INPP4B: variants seen among roughly 807,000 people sequenced by gnomAD.
The protein encoded by INPP4B is inositol polyphosphate 4-phosphatase type II.
Under a neutral mutation model 122.5 loss-of-function variants are expected in INPP4B, and 55 were observed. The ratio of observed to expected loss-of-function variants is 0.45; its 90% CI spans 0.36 to 0.56. INPP4B has a LOEUF of 0.56. Among genes scored for constraint, INPP4B ranks in the 20% least tolerant of loss-of-function variants. The pLI is 0.00. For synonymous variants in INPP4B, 403 were observed against 388.7 expected (o/e 1.04, Z -0.43); for missense variants, 1,000 against 1,097.7 (o/e 0.91, Z 1.26).
intron 2 of INPP4B, among the ~76,000 whole-genome samples, chr4:142,715,294 T>A (rs147311812): frequency 0.016 from 2,373 of 152,326 alleles, 55 homozygotes; most frequent in African/African-American, 0.052. Context: ...TGTTAGCCAG[T>A]AGTTGCATAT....
At chr4:142,291,188 G>A (rs72941107) in intron 9 of INPP4B, among the ~76,000 whole-genome samples, 252 of 152,228 alleles carry the variant, frequency 1.7e-3, no homozygotes, top group African/African-American at 5.7e-3. Context: ...CATTAATCAT[G>A]TCTTCTAAGT....
intron 15 of INPP4B, among the ~76,000 whole-genome samples, chr4:142,178,833 T>TAAAAAAAAA (rs3049049): frequency 7.1e-6 from 1 of 140,518 alleles, no homozygotes. Flanking sequence ...ACCCTACTTG[T>TAAAAAAAAA]AAAAAAAAAA....
intron 2 of INPP4B, among the ~76,000 whole-genome samples, chr4:142,652,539 A>G (rs1753211445): frequency 6.6e-6 from 1 of 152,232 alleles, no homozygotes; most frequent in Non-Finnish European, 1.5e-5. Context: ...ATACAAAATC[A>G]ATGTGCAAAA....
chr4:142,390,835 T>G (rs1457463685), intron 7 of INPP4B, among the ~76,000 whole-genome samples: 1 of 152,190 alleles, frequency 6.6e-6, no homozygotes, highest in Non-Finnish European at 1.5e-5. Flanking sequence ...CCACAGTTAA[T>G]TGCATAATGC....
intron 2 of INPP4B, chr4:142,583,546 C>A (rs1735558114): frequency 6.6e-6 from 1 of 152,172 alleles, no homozygotes; most frequent in Non-Finnish European, 1.5e-5. Flanking sequence ...AAGCAAACCT[C>A]ATCAAGGTTT....
intron 7 of INPP4B, among the ~76,000 whole-genome samples, chr4:142,384,959 C>A (rs1025778070): frequency 6.6e-6 from 1 of 152,152 alleles, no homozygotes; most frequent in African/African-American, 2.4e-5. Context: ...TGCATGGCTG[C>A]ATAATATTCC....
At chr4:142,786,221 G>T (rs1775740573) in intron 1 of INPP4B, among the ~76,000 whole-genome samples, 1 of 152,038 alleles carries the variant, frequency 6.6e-6, no homozygotes, top group African/African-American at 2.4e-5. Context: ...CCAAGATTAG[G>T]CTAGAGCCTC....
intron 25 of INPP4B, among the ~76,000 whole-genome samples, chr4:142,079,518 A>C (rs565415129): frequency 7.9e-5 from 12 of 152,196 alleles, no homozygotes; most frequent in Admixed American, 2.6e-4. Context: ...TTAAGCAGTA[A>C]CTTGAGAAAT....
intron 10 of INPP4B, among the ~76,000 whole-genome samples, chr4:142,261,003 T>C (rs79833089): frequency 0.011 from 1,616 of 152,312 alleles, 35 homozygotes; most frequent in African/African-American, 0.035. Context: ...ACTAGTTATA[T>C]AGGGCAAAAG....
chr4:142,751,433 CAA>C (rs1451192418), intron 1 of INPP4B, among the ~76,000 whole-genome samples: 1 of 151,810 alleles, frequency 6.6e-6, no homozygotes, highest in Admixed American at 6.6e-5. Context: ...AACAGGCAAA[CAA>C]GATGTATTTT....
At chr4:142,471,740 C>T (rs957767584) in intron 2 of INPP4B, among the ~76,000 whole-genome samples, 5 of 152,058 alleles carry the variant, frequency 3.3e-5, no homozygotes, top group African/African-American at 1.2e-4. Context: ...GTGTATTTAG[C>T]TGGGGTTGGA....
intron 25 of INPP4B, among the ~76,000 whole-genome samples, chr4:142,033,710 G>C (rs1189623887): frequency 1.4e-5 from 2 of 146,284 alleles, no homozygotes. Context: ...TGTCACCCAG[G>C]TTGGAGTACA....
At chr4:142,526,517 C>A (rs1826936937) in intron 2 of INPP4B, among the ~76,000 whole-genome samples, 1 of 151,992 alleles carries the variant, frequency 6.6e-6, no homozygotes, top group African/African-American at 2.4e-5. Context: ...ATCAGTTGAG[C>A]CGTGGCTACA....
At chr4:142,652,627 A>G (rs1414862430) in intron 2 of INPP4B, among the ~76,000 whole-genome samples, 1 of 152,216 alleles carries the variant, frequency 6.6e-6, no homozygotes. Context: ...TACAAAGAGA[A>G]TAAAATACCT....
intron 2 of INPP4B, among the ~76,000 whole-genome samples, chr4:142,638,944 T>C (rs1473105723): frequency 6.6e-6 from 1 of 152,182 alleles, no homozygotes; most frequent in Non-Finnish European, 1.5e-5. Context: ...AGTGATGATG[T>C]TTCCTAATAT....
intron 11 of INPP4B, among the ~76,000 whole-genome samples, chr4:142,255,271 C>A (rs929954519): frequency 6.6e-6 from 1 of 151,988 alleles, no homozygotes; most frequent in African/African-American, 2.4e-5. Context: ...TAAAGACCAT[C>A]GAGACTAGGA....
At chr4:142,149,520 G>A (rs1812622315) in intron 17 of INPP4B, among the ~76,000 whole-genome samples, 1 of 152,070 alleles carries the variant, frequency 6.6e-6, no homozygotes, top group Non-Finnish European at 1.5e-5. Context: ...CCACAGAAAT[G>A]GGGTACACAG....
intron 2 of INPP4B, among the ~76,000 whole-genome samples, chr4:142,668,814 C>T (rs553930444): frequency 6.9e-4 from 105 of 151,336 alleles, no homozygotes; most frequent in Admixed American, 5.9e-3. Flanking sequence ...TTTGGGAGGC[C>T]GAGGTGGGCA....
At chr4:142,123,586 T>C (rs548027767) in intron 19 of INPP4B, among the ~76,000 whole-genome samples, 171 bp from the exon 20 acceptor site, 1 of 152,290 alleles carries the variant, frequency 6.6e-6, no homozygotes, top group Non-Finnish European at 1.5e-5. Flanking sequence ...TGATCTAGAA[T>C]TGCTGTGTAT....
Sources: gnomAD v4.1 joint callset for allele counts (sites outside exome capture counted in the v4.1 genomes callset) on GRCh38, gnomAD v4.1.1 for gene constraint, MANE v1.5 for transcripts, NCBI Gene and HGNC (gene_info 2026-07-23, HGNC 2026-07-21) for gene names.